The following CWF19L2 variants were observed in gnomAD, a reference collection of about 807,000 sequenced individuals.
CWF19L2 encodes CWF19-like protein 2.
CWF19L2 carries 98 observed loss-of-function variants against 111.7 expected under a neutral mutation model. The observed-to-expected ratio is 0.88, with a 90% CI of 0.75 to 1.04. The LOEUF is 1.04. Among genes scored for constraint, CWF19L2 ranks in the 50% least tolerant of loss-of-function variants. The pLI, the probability that CWF19L2 is intolerant of heterozygous loss-of-function variation, is 0.00. For missense variants in CWF19L2, 1,101 were observed against 1,051.4 expected, an observed-to-expected ratio of 1.05 and a Z score of -0.65; for synonymous variants, 351 against 342.9, an observed-to-expected ratio of 1.02 and a Z score of -0.26.
At chr11:107,371,398 A>G (rs1399132698) in intron 12 of CWF19L2, among the ~76,000 whole-genome samples, 1 of 137,772 alleles carries the variant, frequency 7.3e-6, no homozygotes, top group Non-Finnish European at 1.6e-5. Context: ...GAAAAGAGAT[A>G]AGGATAGGAA....
intron 14 of CWF19L2, among the ~76,000 whole-genome samples, chr11:107,348,048 C>CTT (rs112746920): frequency 0.018 from 2,666 of 152,288 alleles, 56 homozygotes; most frequent in African/African-American, 0.059. Context: ...ATCAAAAAGA[C>CTT]ATATTCTTAC....
intron 10 of CWF19L2, among the ~76,000 whole-genome samples, chr11:107,395,766 CT>C (rs1231523697): frequency 6.6e-6 from 1 of 152,204 alleles, no homozygotes; most frequent in African/African-American, 2.4e-5. Flanking sequence ...AGCCAATGCT[CT>C]GTTCCCAATA....
chr11:107,341,692 A>C (rs1860007467), intron 14 of CWF19L2, among the ~76,000 whole-genome samples: 1 of 152,160 alleles, frequency 6.6e-6, no homozygotes, highest in African/African-American at 2.4e-5. Context: ...AGTTTCATAA[A>C]ATTCTCCAAT....
chr11:107,384,311 A>G (rs779804689), intron 12 of CWF19L2, among the ~76,000 whole-genome samples: 75 of 152,334 alleles, frequency 4.9e-4, no homozygotes, highest in Admixed American at 9.8e-4. Context: ...TTACATATAC[A>G]TTCCATCTTG....
Position 107,429,103 on chromosome 11 carries a change from GTTC to G in CWF19L2, c.1126_1128del (p.Glu376del), listed in dbSNP as rs1381018815. ...TTTCTGCCCTTGCTGTGAAATGACA[GTTC>G]TTCATCATCAGAGGGTCTCAAGAAT... On this transcript the variant is annotated inframe_deletion, in exon 8 of 18. Transcript: ENST00000282251. 2.0e-5 allele frequency: 33 copies of G among 1,613,662 alleles called. No individual in the cohort carries two copies. The highest frequency in any genetic ancestry group is 2.8e-5 in the Non-Finnish European group (33 of 1,179,818).
At chr11:107,400,357 C>T (rs1323230305) in intron 10 of CWF19L2, among the ~76,000 whole-genome samples, 1 of 151,878 alleles carries the variant, frequency 6.6e-6, no homozygotes, top group East Asian at 1.9e-4. Context: ...ATCCAAATAA[C>T]CTTACTAAGA....
chr11:107,396,353 A>G (rs568959998), intron 10 of CWF19L2, among the ~76,000 whole-genome samples: 1 of 152,338 alleles, frequency 6.6e-6, no homozygotes, highest in East Asian at 1.9e-4. Context: ...TATTTTAAAA[A>G]CATCAAAACT....
chr11:107,432,164 G>C (rs1047173664), intron 7 of CWF19L2, among the ~76,000 whole-genome samples: 7 of 152,094 alleles, frequency 4.6e-5, no homozygotes, highest in African/African-American at 1.4e-4. Context: ...ATCAAGCCGA[G>C]GGGGAGAAAT....
At chr11:107,415,656 A>G (rs1225660130) in intron 10 of CWF19L2, among the ~76,000 whole-genome samples, 1 of 152,244 alleles carries the variant, frequency 6.6e-6, no homozygotes, top group African/African-American at 2.4e-5. Context: ...GAATAAAAGC[A>G]AGACTCCTTG....
chr11:107,411,615 C>T (rs889038266), intron 10 of CWF19L2, among the ~76,000 whole-genome samples: 6 of 152,030 alleles, frequency 3.9e-5, no homozygotes, highest in Non-Finnish European at 2.9e-5. Flanking sequence ...GAGTGATTTG[C>T]TAAATTTACC....
intron 12 of CWF19L2, among the ~76,000 whole-genome samples, chr11:107,357,825 T>A (rs1860261030): frequency 6.6e-6 from 1 of 152,154 alleles, no homozygotes; most frequent in African/African-American, 2.4e-5. Context: ...AGAGTAACAA[T>A]CAACATTTTT....
intron 7 of CWF19L2, among the ~76,000 whole-genome samples, chr11:107,432,099 A>G (rs567930456): frequency 4.6e-5 from 7 of 152,192 alleles, no homozygotes; most frequent in Non-Finnish European, 8.8e-5. Flanking sequence ...AGGGATTTTG[A>G]TAGGTAAAAA....
intron 1 of CWF19L2, 48 bp downstream of exon 1, chr11:107,457,664 C>T (rs564213181): frequency 6.3e-5 from 88 of 1,402,110 alleles, no homozygotes; most frequent in African/African-American, 8.6e-5. Flanking sequence ...CGGGAACCCT[C>T]AACTCCCACA....
chr11:107,454,450 T>G lies in CWF19L2; in HGVS notation c.339A>C (p.Ser113=). The G allele has an allele frequency of 7.0e-7, 1 of 1,421,446 alleles. No individual in the cohort carries two copies. Among genetic ancestry groups the G allele is most frequent in the Non-Finnish European group, 9.2e-7 (1 of 1,089,150 alleles). The allele number at this position is 1,421,446 out of a possible 1,614,324, so 88.1% of individuals were successfully genotyped here. The change falls in exon 3 of 18, where the codon TCA becomes TCC. Residue 113 remains serine (S), a splice_region_variant and synonymous_variant. Coordinates refer to ENST00000282251, the MANE Select transcript of CWF19L2 (RefSeq NM_152434.3). ...TTGATTAATTTTAGTACATACTTACTGATGAGCTATCAGATGACTCATTGT... is the reference window on the plus strand; with the variant it reads ...TTGATTAATTTTAGTACATACTTACGGATGAGCTATCAGATGACTCATTGT... ...EKNNESSDSS[S]SSEDEWVEAV... is the part of the protein sequence containing the mutation.
At chr11:107,334,986 G>A in intron 15 of CWF19L2, 25 bp from the exon 16 acceptor site, 2 of 1,428,748 alleles carry the variant, frequency 1.4e-6, no homozygotes, top group Admixed American at 1.8e-5. Context: ...TTTGTTAAGT[G>A]AAAAAAGAAC....
At chr11:107,356,632 G>C (rs1860240653) in intron 12 of CWF19L2, among the ~76,000 whole-genome samples, 1 of 152,036 alleles carries the variant, frequency 6.6e-6, no homozygotes, top group African/African-American at 2.4e-5. Flanking sequence ...AAAAATATCA[G>C]AACTGGTCAC....
intron 12 of CWF19L2, among the ~76,000 whole-genome samples, chr11:107,358,716 A>G (rs979682082): frequency 6.6e-6 from 1 of 152,316 alleles, no homozygotes; most frequent in African/African-American, 2.4e-5. Context: ...AGGATTAGCT[A>G]ATTTTAATCT....
At chr11:107,395,473 TA>T (rs1333067316) in intron 10 of CWF19L2, among the ~76,000 whole-genome samples, 2 of 152,250 alleles carry the variant, frequency 1.3e-5, no homozygotes, top group Non-Finnish European at 2.9e-5. Flanking sequence ...CATTTATCTT[TA>T]TTTCATTTTT....
Position 107,378,626 on chromosome 11 carries a change from G to A in CWF19L2, c.1872+11448C>T, listed in dbSNP as rs1177664359. ...ATTCTGGGGACTGTTGTGGGGTGGA[G>A]GGAGGAGGGAGGGATAGCACTGGGA... On this transcript the variant is annotated intron_variant, in intron 12 of 17. Coordinates refer to ENST00000282251, the MANE Select transcript of CWF19L2 (RefSeq NM_152434.3). 5.3e-5 allele frequency among the ~76,000 whole-genome samples: 8 copies of A among 151,638 alleles called. No individual in the cohort carries two copies. In the East Asian group the frequency reaches 1.6e-3, roughly 30 times the overall value.
Sources: allele counts gnomAD v4.1 joint callset (sites outside exome capture counted in the v4.1 genomes callset), GRCh38; gene constraint gnomAD v4.1.1; transcripts MANE v1.5; gene names NCBI Gene and HGNC (gene_info 2026-07-23, HGNC 2026-07-21).